PKD2: variants seen among roughly 807,000 people sequenced by gnomAD.
PKD2 encodes the protein polycystin-2.
A neutral mutation model predicts 105.9 loss-of-function variants in PKD2; 48 were observed. That is an observed-to-expected ratio of 0.45 (90% CI 0.36 to 0.58). PKD2 has a LOEUF of 0.58. PKD2 is among the 20% of genes least tolerant of loss of function. The pLI is 0.00. For missense variants in PKD2, 1,078 were observed against 1,255.3 expected, an observed-to-expected ratio of 0.86 and a Z score of 2.13; for synonymous variants, 464 against 481.1, an observed-to-expected ratio of 0.96 and a Z score of 0.46.
rs373926713 is a variant in PKD2 at position 88,061,390 on chromosome 4, A to G, written c.2020-516A>G. ...TATATCATAAAATTTTTCCTGTGGC[A>G]TGACTTAACGGAGAAAATAATCTTC... On this transcript the variant is annotated intron_variant, in intron 9 of 14. Transcript: ENST00000237596. 5.3e-5 allele frequency among the ~76,000 whole-genome samples: 8 copies of G among 152,194 alleles called. No individual in the cohort carries two copies. The East Asian group carries it at 1.2e-3, about 22-fold the overall frequency.
intron 10 of PKD2, 151 bp from the exon 11 acceptor site, chr4:88,065,223 G>A (rs1720745750): frequency 1.2e-5 from 9 of 726,042 alleles, no homozygotes; most frequent in Admixed American, 1.1e-4. Context: ...TGGAAAACTG[G>A]ATACATTAAT....
chr4:88,068,419 G>A (rs1477417426), intron 13 of PKD2, among the ~76,000 whole-genome samples: 3 of 151,854 alleles, frequency 2.0e-5, no homozygotes, highest in South Asian at 2.1e-4. Flanking sequence ...ACAGAGAGCC[G>A]AGATGGCTCC....
At chr4:88,057,625 G>T (rs548462810) in intron 8 of PKD2, among the ~76,000 whole-genome samples, 1 of 151,712 alleles carries the variant, frequency 6.6e-6, no homozygotes, top group Non-Finnish European at 1.5e-5. Context: ...TAGTAGAGAC[G>T]GGGTTTCACT....
At chr4:88,073,781 G>A (rs1314130895) in intron 13 of PKD2, among the ~76,000 whole-genome samples, 4 of 152,104 alleles carry the variant, frequency 2.6e-5, no homozygotes, top group Non-Finnish European at 4.4e-5. Context: ...TTCATTTGCT[G>A]TACACCCTTA....
chr4:88,040,429 C>T (rs1186113257), intron 4 of PKD2, among the ~76,000 whole-genome samples: 1 of 152,176 alleles, frequency 6.6e-6, no homozygotes, highest in East Asian at 1.9e-4. Flanking sequence ...CGAGTGATTT[C>T]TACTCCAGGG....
At chr4:88,028,976 T>G (rs568932070) in intron 2 of PKD2, among the ~76,000 whole-genome samples, 216 of 152,326 alleles carry the variant, frequency 1.4e-3, no homozygotes, top group African/African-American at 4.9e-3. Context: ...ATTTTAAAAT[T>G]GTTACTTACT....
At chr4:88,057,566 G>C (rs1720407513) in intron 8 of PKD2, among the ~76,000 whole-genome samples, 1 of 151,346 alleles carries the variant, frequency 6.6e-6, no homozygotes, top group Non-Finnish European at 1.5e-5. Flanking sequence ...CTCCCGAATA[G>C]CTGAGATTAT....
chr4:88,007,831 G>A lies in PKD2; in HGVS notation c.98G>A (p.Cys33Tyr). ...APDPGRLMAG[C>Y]AAVGASLAAP... ...GACCCGGGCCGGCTGATGGCTGGCT[G>A]CGCGGCCGTGGGCGCCAGCCTCGCC... Residue 33 changes from cysteine (C) to tyrosine (Y), a missense_variant, in exon 1 of 15, where the codon TGC (cysteine) becomes TAC (tyrosine). Coordinates refer to ENST00000237596, the MANE Select transcript of PKD2 (RefSeq NM_000297.4). 1.7e-6 allele frequency: 2 copies of A among 1,192,372 alleles called. No homozygotes were observed. The highest frequency in any genetic ancestry group is 3.4e-4 in the Middle Eastern group (1 of 2,978). The allele number at this position is 1,192,372 out of a possible 1,614,324, so 73.9% of individuals were successfully genotyped here.
At chr4:88,038,151 T>A in intron 3 of PKD2, 100 bp from the exon 4 acceptor site, 3 of 1,213,374 alleles carry the variant, frequency 2.5e-6, no homozygotes, top group Non-Finnish European at 3.6e-6. Context: ...TCTACTATTT[T>A]CATAGAGTTG....
At chr4:88,030,037 C>T (rs987570461) in intron 2 of PKD2, among the ~76,000 whole-genome samples, 4 of 152,096 alleles carry the variant, frequency 2.6e-5, no homozygotes, top group African/African-American at 9.7e-5. Flanking sequence ...TAAGAGGCCT[C>T]GAAATATGAA....
In PKD2 at chr4:88,042,016, A is replaced by G. The variant is rs548887873; in HGVS notation, c.1095-1217A>G. On this transcript the variant is annotated intron_variant, in intron 4 of 14. Coordinates refer to ENST00000237596, the MANE Select transcript of PKD2 (RefSeq NM_000297.4). ...GACTCCTTCATGTTTGCCCTTCACA[A>G]GCTGACCACAGACCACCTTTCAATC... Among the ~76,000 whole-genome samples the G allele has an allele frequency of 2.0e-5, 3 of 152,320 alleles. No homozygotes were observed. The South Asian group carries it at 6.2e-4, about 32-fold the overall frequency.
At chr4:88,071,133 G>A (rs1009165735) in intron 13 of PKD2, among the ~76,000 whole-genome samples, 24 of 151,646 alleles carry the variant, frequency 1.6e-4, no homozygotes, top group Admixed American at 1.4e-3. Flanking sequence ...CTAGCTCACT[G>A]CAGCCTCGAA....
At chr4:88,026,162 A>G (rs550309898) in intron 2 of PKD2, among the ~76,000 whole-genome samples, 5 of 152,294 alleles carry the variant, frequency 3.3e-5, no homozygotes, top group African/African-American at 1.2e-4. Context: ...AGACAGGAAG[A>G]TGTGGGAAAG....
chr4:88,057,578 GGC>G (rs1720408445), intron 8 of PKD2, among the ~76,000 whole-genome samples: 1 of 151,832 alleles, frequency 6.6e-6, no homozygotes, highest in Non-Finnish European at 1.5e-5. Flanking sequence ...TGAGATTATG[GGC>G]GCACGCCACC....
intron 1 of PKD2, among the ~76,000 whole-genome samples, chr4:88,014,664 A>G (rs1726500977): frequency 6.6e-6 from 1 of 152,234 alleles, no homozygotes. Flanking sequence ...ACTCACATGT[A>G]TCTTAGCACA....
chr4:88,039,341 T>G lies in PKD2; in HGVS notation c.1094+840T>G, dbSNP rs753951147. Among the ~76,000 whole-genome samples, 64 of 152,104 alleles carry G rather than the reference T, an allele frequency of 4.2e-4. 1 individual carries two copies. Among genetic ancestry groups the G allele is most frequent in the Non-Finnish European group, 5.0e-4 (34 of 68,018 alleles). On this transcript the variant is annotated intron_variant, in intron 4 of 14. Coordinates refer to ENST00000237596, the MANE Select transcript of PKD2 (RefSeq NM_000297.4). ...TTGTACCTTCCAGTATACACTCTAT[T>G]TAATACCAGAACCCATAAGAAACAA...
At chr4:88,049,525 G>T (rs966034072) in intron 6 of PKD2, among the ~76,000 whole-genome samples, 3 of 152,044 alleles carry the variant, frequency 2.0e-5, no homozygotes, top group African/African-American at 7.3e-5. Context: ...CAGACAGTGT[G>T]CTTTTTGTTT....
rs11944078 is a variant in PKD2 at position 88,022,945 on chromosome 4, G to A, written c.709+3374G>A. 2.0e-5 allele frequency among the ~76,000 whole-genome samples: 3 copies of A among 152,070 alleles called. No homozygotes were observed. In the East Asian group the frequency reaches 5.8e-4, roughly 29 times the overall value. On this transcript the variant is annotated intron_variant, in intron 2 of 14. Coordinates refer to ENST00000237596, the MANE Select transcript of PKD2 (RefSeq NM_000297.4). ...AAAATACAAAAATTATCTGGGCATG[G>A]TGGCATGCACCTGTAGTCCCAGCCA...
At chr4:88,061,746 AAAT>A (rs1420579848) in intron 9 of PKD2, among the ~76,000 whole-genome samples, 157 bp from the exon 10 acceptor site, 1 of 152,064 alleles carries the variant, frequency 6.6e-6, no homozygotes, top group African/African-American at 2.4e-5. Flanking sequence ...TCAAAAAAAA[AAAT>A]TTTTTTTTAA....
Sources: gnomAD v4.1 joint callset for allele counts (sites outside exome capture counted in the v4.1 genomes callset) on GRCh38, gnomAD v4.1.1 for gene constraint, MANE v1.5 for transcripts, NCBI Gene and HGNC (gene_info 2026-07-23, HGNC 2026-07-21) for gene names.